TENM3: variants seen among roughly 807,000 people sequenced by gnomAD.
TENM3 encodes the protein teneurin-3.
In TENM3, 63 loss-of-function variants were observed where a neutral mutation model predicts 255.1. The observed-to-expected ratio is 0.25, with a 90% CI of 0.20 to 0.30. TENM3 has a LOEUF of 0.30. TENM3 is among the 10% of genes least tolerant of loss of function. TENM3 has a pLI of 1.00. For synonymous variants in TENM3, 1,306 were observed against 1,322.3 expected (o/e 0.99, Z 0.27); for missense variants, 2,929 against 3,461.1 (o/e 0.85, Z 3.86).
chr4:181,515,206 C>G, the TENM3 span, among the ~76,000 whole-genome samples: 1 of 152,204 alleles, frequency 6.6e-6, no homozygotes, highest in South Asian at 2.1e-4. Flanking sequence ...ATTGCCTCTG[C>G]TTTCCCCCGG....
At chr4:181,937,148 A>G in the TENM3 span, among the ~76,000 whole-genome samples, 1 of 152,198 alleles carries the variant, frequency 6.6e-6, no homozygotes, top group Non-Finnish European at 1.5e-5. Context: ...AGCGTGTGCA[A>G]AGCTCTGACA....
rs75677468 is a variant in TENM3 at position 182,363,424 on chromosome 4, T to C, written c.511+16495T>C. Among the ~76,000 whole-genome samples the C allele has an allele frequency of 4.7e-3, 715 of 151,918 alleles. 8 individuals are homozygous for C. Among genetic ancestry groups the C allele is most frequent in the African/African-American group, 0.016 (673 of 41,388 alleles). On this transcript the variant is annotated intron_variant, in intron 3 of 27. Coordinates refer to ENST00000511685, the MANE Select transcript of TENM3 (RefSeq NM_001080477.4). ...GTATATATTCATATATGTACATATA[T>C]ACATATATATGCATGTTTATAGTCT...
chr4:182,058,945 C>CATGTGTGTGTGTGT, the TENM3 span, among the ~76,000 whole-genome samples: 1 of 139,136 alleles, frequency 7.2e-6, no homozygotes, highest in African/African-American at 2.7e-5. Context: ...AGTCATAGCT[C>CATGTGTGTGTGTGT]GTGTGTGTGT....
At chr4:182,155,193 T>C (rs1750621361) in intron 1 of TENM3, among the ~76,000 whole-genome samples, 1 of 152,160 alleles carries the variant, frequency 6.6e-6, no homozygotes, top group Non-Finnish European at 1.5e-5. Flanking sequence ...TAATTTATTA[T>C]GGGGAATTAA....
chr4:181,911,460 GAGAAAGA>G, the TENM3 span, among the ~76,000 whole-genome samples: 7 of 152,154 alleles, frequency 4.6e-5, no homozygotes, highest in African/African-American at 1.7e-4. Flanking sequence ...AGAGAATAAA[GAGAAAGA>G]TATTCGTGTT....
chr4:182,325,485 G>A (rs1763332382), intron 2 of TENM3, among the ~76,000 whole-genome samples: 1 of 152,158 alleles, frequency 6.6e-6, no homozygotes, highest in Admixed American at 6.5e-5. Flanking sequence ...GGACAAAATA[G>A]CTTAACATTT....
chr4:182,486,880 G>A (rs115987563), intron 3 of TENM3, among the ~76,000 whole-genome samples: 304 of 152,234 alleles, frequency 2.0e-3, no homozygotes, highest in African/African-American at 7.1e-3. Flanking sequence ...AGTCCCTTGG[G>A]GGTCTTCCAG....
At chr4:181,852,794 G>C in the TENM3 span, among the ~76,000 whole-genome samples, 57 of 152,200 alleles carry the variant, frequency 3.7e-4, no homozygotes, top group African/African-American at 1.3e-3. Flanking sequence ...TTATAATCCT[G>C]GTTCCTGTTT....
At chr4:181,511,812 C>A in the TENM3 span, among the ~76,000 whole-genome samples, 3 of 152,050 alleles carry the variant, frequency 2.0e-5, no homozygotes, top group African/African-American at 7.2e-5. Flanking sequence ...GGTCAAAATG[C>A]CAGCGGGGTG....
the TENM3 span, among the ~76,000 whole-genome samples, chr4:181,595,489 G>A: frequency 1.4e-5 from 2 of 147,696 alleles, no homozygotes; most frequent in East Asian, 2.0e-4. Context: ...ACTCTTCACC[G>A]TTATTCAAAG....
chr4:182,007,384 C>A, the TENM3 span, among the ~76,000 whole-genome samples: 1 of 152,040 alleles, frequency 6.6e-6, no homozygotes, highest in African/African-American at 2.4e-5. Context: ...CTCTAAGAAC[C>A]TGTTTTATGA....
At chr4:182,264,577 T>A (rs764349254) in intron 1 of TENM3, among the ~76,000 whole-genome samples, 2 of 152,240 alleles carry the variant, frequency 1.3e-5, no homozygotes, top group Non-Finnish European at 2.9e-5. Flanking sequence ...GCTCAGTAGC[T>A]AAGGTTTTTG....
chr4:181,653,385 A>ATTGTT, the TENM3 span, among the ~76,000 whole-genome samples: 3 of 149,904 alleles, frequency 2.0e-5, no homozygotes, highest in Non-Finnish European at 4.5e-5. Flanking sequence ...GGTCCAATCC[A>ATTGTT]TTGTTTTGTT....
chr4:182,279,925 G>T (rs1342706202), intron 1 of TENM3, among the ~76,000 whole-genome samples: 5 of 152,078 alleles, frequency 3.3e-5, no homozygotes, highest in African/African-American at 7.2e-5. Context: ...TAAAAATATT[G>T]CCTTGAAACC....
At chr4:182,244,114 C>T (rs1289256158) in intron 1 of TENM3, among the ~76,000 whole-genome samples, 8 of 151,492 alleles carry the variant, frequency 5.3e-5, no homozygotes, top group East Asian at 3.9e-4. Flanking sequence ...CCACCACGCC[C>T]GGCTAATTTT....
chr4:182,546,181 C>T (rs59451283), intron 3 of TENM3, among the ~76,000 whole-genome samples: 3 of 152,052 alleles, frequency 2.0e-5, no homozygotes, highest in Admixed American at 6.5e-5. Context: ...AAGGGTTGGT[C>T]GTGCTGTCCC....
Position 182,681,923 on chromosome 4 carries a change from TC to T in TENM3, c.1946del (p.Pro649GlnfsTer127). On this transcript the variant is annotated frameshift_variant, in exon 11 of 28. Transcript: ENST00000511685. LOFTEE classifies it high-confidence loss of function. The stretch of plus-strand genomic sequence containing the variant: ...ATTGTGAAATACTGAAGACCATGTG[TC>T]CAGACCAGTGCTCCGGCCACGGAAC... ...SNCEILKTMCPDQCSGHGTYL... is the reference protein window; with the variant it reads ...SNCEILKTMCXDQCSGHGTYL... 6.2e-7 allele frequency: 1 copy of T among 1,613,938 alleles called. No homozygotes were observed.
chr4:182,449,232 C>CTGCTT, intron 3 of TENM3: 2 of 124,024 alleles, frequency 1.6e-5, no homozygotes, highest in African/African-American at 7.0e-5. Flanking sequence ...GGCGGCGGCT[C>CTGCTT]CGCTCTTCTC....
intron 1 of TENM3, among the ~76,000 whole-genome samples, chr4:182,288,193 C>T (rs147108167): frequency 0.028 from 4,271 of 152,214 alleles, 201 homozygotes; most frequent in African/African-American, 0.096. Flanking sequence ...TCCTCGGCCT[C>T]CCAAAGTACT....
Sources: allele counts gnomAD v4.1 joint callset (sites outside exome capture counted in the v4.1 genomes callset), GRCh38; gene constraint gnomAD v4.1.1; transcripts MANE v1.5; gene names NCBI Gene and HGNC (gene_info 2026-07-23, HGNC 2026-07-21).